MCUB: variants seen among roughly 807,000 people sequenced by gnomAD.
MCUB encodes the protein calcium uniporter regulatory subunit MCUb, mitochondrial.
A neutral mutation model predicts 41.4 loss-of-function variants in MCUB; 46 were observed. That is an observed-to-expected ratio of 1.11 (90% CI 0.88 to 1.42). The LOEUF is 1.42. MCUB is among the 40% of genes most tolerant of loss of function. The pLI, the probability that MCUB is intolerant of heterozygous loss-of-function variation, is 0.00. For missense variants in MCUB, 403 were observed against 404.9 expected, an observed-to-expected ratio of 1.00 and a Z score of 0.04; for synonymous variants, 148 against 148.2, an observed-to-expected ratio of 1.00 and a Z score of 0.01.
Position 109,685,334 on chromosome 4 carries a change from G to A in MCUB, c.900G>A (p.Gln300=). ...CAAAGCAACAGCACTTTGATGTGCA[G>A]CAATACAACAAGTTAAAAGAAGACC... ...KKSKQQHFDV[Q]QYNKLKEDLA... is the part of the protein sequence containing the mutation. The change falls in exon 7 of 8, where the codon CAG becomes CAA. Residue 300 remains glutamine (Q), a synonymous_variant. Coordinates refer to ENST00000394650, the MANE Select transcript of MCUB (RefSeq NM_017918.5). The A allele has an allele frequency of 6.3e-7, 1 of 1,575,512 alleles. No homozygotes were observed.
At position 109,660,239 on chromosome 4, in the gene MCUB, A is replaced by G; in HGVS notation, c.220A>G (p.Thr74Ala). The G allele has an allele frequency of 6.2e-7, 1 of 1,601,858 alleles. No homozygotes were observed. Among genetic ancestry groups the G allele is most frequent in the Non-Finnish European group, 8.5e-7 (1 of 1,169,704 alleles). ...YRHGLPLVTLTLPSRKERCQF... is the reference protein window; with the variant it reads ...YRHGLPLVTLALPSRKERCQF... The stretch of plus-strand genomic sequence containing the variant: ...ACATGGCCTTCCCTTGGTAACACTT[A>G]CCTTGCCATCTAGAAAAGAACGTTG... Residue 74 changes from threonine to alanine, a missense_variant, in exon 3 of 8, where the codon ACC becomes GCC. Transcript: ENST00000394650.
At chr4:109,646,206 T>C (rs1268458486) in intron 1 of MCUB, among the ~76,000 whole-genome samples, 1 of 152,134 alleles carries the variant, frequency 6.6e-6, no homozygotes, top group East Asian at 1.9e-4. Context: ...AATATCCAAA[T>C]ACTTGACTAA....
chr4:109,577,105 G>T (rs943955949), intron 1 of MCUB, among the ~76,000 whole-genome samples: 1 of 152,142 alleles, frequency 6.6e-6, no homozygotes. Context: ...GCCTGCCTCC[G>T]CCTCCCAAAG....
intron 1 of MCUB, among the ~76,000 whole-genome samples, chr4:109,625,038 G>A (rs535653995): frequency 6.6e-6 from 1 of 152,256 alleles, no homozygotes; most frequent in African/African-American, 2.4e-5. Flanking sequence ...TACTCAAGAG[G>A]CTGAGGCAGG....
At position 109,682,568 on chromosome 4, in the gene MCUB, G is replaced by C. The variant is rs1205635237; in HGVS notation, c.452-14G>C. The C allele has an allele frequency of 6.3e-7, 1 of 1,594,106 alleles. No homozygotes were observed. Among genetic ancestry groups the C allele is most frequent in the Non-Finnish European group, 8.5e-7 (1 of 1,171,144 alleles). On this transcript the variant is annotated splice_polypyrimidine_tract_variant and intron_variant, in intron 4 of 7. Transcript: ENST00000394650. ...ATGTGGTGACTGGCTTGTTTCCCTT[G>C]TGTCTTTTCTCAGAAAAACCAAGTA...
At chr4:109,629,044 G>T (rs1452250971) in intron 1 of MCUB, among the ~76,000 whole-genome samples, 1 of 152,144 alleles carries the variant, frequency 6.6e-6, no homozygotes, top group Non-Finnish European at 1.5e-5. Flanking sequence ...TGTTAGGTAG[G>T]GTCTTAGCGA....
At chr4:109,686,852 G>A (rs1026833844) in intron 7 of MCUB, among the ~76,000 whole-genome samples, 2 of 151,962 alleles carry the variant, frequency 1.3e-5, no homozygotes, top group African/African-American at 4.8e-5. Flanking sequence ...ACTCCAGCCT[G>A]GGCAACAGAG....
chr4:109,641,538 A>G (rs529652166), intron 1 of MCUB, among the ~76,000 whole-genome samples: 60 of 152,328 alleles, frequency 3.9e-4, no homozygotes, highest in Non-Finnish European at 7.8e-4. Context: ...ATAGTTTGAA[A>G]TATTGTGAGG....
At chr4:109,583,587 T>C (rs1007955413) in intron 1 of MCUB, among the ~76,000 whole-genome samples, 4 of 152,226 alleles carry the variant, frequency 2.6e-5, no homozygotes, top group Non-Finnish European at 5.9e-5. Context: ...TGGTCAGAAC[T>C]TCCAACACTG....
At chr4:109,636,304 G>A (rs1033571100) in intron 1 of MCUB, among the ~76,000 whole-genome samples, 2 of 152,174 alleles carry the variant, frequency 1.3e-5, no homozygotes, top group Non-Finnish European at 2.9e-5. Context: ...GATGCACAAG[G>A]AGAGGCTCTG....
chr4:109,572,368 G>A (rs1049560561), intron 1 of MCUB, among the ~76,000 whole-genome samples: 2 of 152,200 alleles, frequency 1.3e-5, no homozygotes, highest in African/African-American at 4.8e-5. Flanking sequence ...ATGGTTTTAG[G>A]GAGGACTTAC....
At chr4:109,597,999 C>T (rs1479392482) in intron 1 of MCUB, among the ~76,000 whole-genome samples, 16 of 150,434 alleles carry the variant, frequency 1.1e-4, no homozygotes, top group Admixed American at 7.9e-4. Flanking sequence ...AGACGATGGG[C>T]GGCCGGGCAG....
Position 109,654,475 on chromosome 4 carries a change from G to A in MCUB, c.100-4536G>A, listed in dbSNP as rs548567224. 1.2e-4 allele frequency among the ~76,000 whole-genome samples: 18 copies of A among 152,002 alleles called. No individual in the cohort carries two copies. The East Asian group carries it at 2.5e-3, about 21-fold the overall frequency. Reference sequence around the variant, plus strand: ...AAAATACAAAAATTAGCTGGGTGTCGTGGTGGGCGCCTGTAATCCCAGCTA... The same window carrying A: ...AAAATACAAAAATTAGCTGGGTGTCATGGTGGGCGCCTGTAATCCCAGCTA... On this transcript the variant is annotated intron_variant, in intron 1 of 7. Transcript: ENST00000394650.
At chr4:109,674,161 A>G in intron 4 of MCUB, 1 of 979,398 alleles carries the variant, frequency 1.0e-6, no homozygotes, top group South Asian at 1.3e-5. Flanking sequence ...AGCTTGCTTT[A>G]GTTAGACGTC....
At chr4:109,586,260 G>A (rs566966199) in intron 1 of MCUB, among the ~76,000 whole-genome samples, 134 of 152,280 alleles carry the variant, frequency 8.8e-4, no homozygotes, top group Non-Finnish European at 1.1e-3. Flanking sequence ...TGAAGCTTGT[G>A]TGTGTGTCAC....
chr4:109,625,755 TAATA>T (rs1728347514), intron 1 of MCUB, among the ~76,000 whole-genome samples: 1 of 152,282 alleles, frequency 6.6e-6, no homozygotes, highest in South Asian at 2.1e-4. Context: ...ATAGCAAATA[TAATA>T]AATGGTCAAT....
intron 4 of MCUB, among the ~76,000 whole-genome samples, chr4:109,669,982 G>C (rs1019515195): frequency 1.3e-5 from 2 of 152,134 alleles, no homozygotes; most frequent in African/African-American, 4.8e-5. Context: ...CAAGTTGCTA[G>C]TCCGATAATT....
intron 3 of MCUB, among the ~76,000 whole-genome samples, chr4:109,662,269 A>G (rs1729246881): frequency 6.6e-6 from 1 of 152,224 alleles, no homozygotes; most frequent in Non-Finnish European, 1.5e-5. Flanking sequence ...CATTTCCCCC[A>G]GGCACAGGAA....
At chr4:109,656,663 G>T (rs1161720189) in intron 1 of MCUB, among the ~76,000 whole-genome samples, 1 of 152,002 alleles carries the variant, frequency 6.6e-6, no homozygotes, top group East Asian at 1.9e-4. Context: ...GAGCCATCAC[G>T]CCTGGCCTAC....
Sources: gnomAD v4.1 joint callset for allele counts (sites outside exome capture counted in the v4.1 genomes callset) on GRCh38, gnomAD v4.1.1 for gene constraint, MANE v1.5 for transcripts, NCBI Gene and HGNC (gene_info 2026-07-23, HGNC 2026-07-21) for gene names.